Variants in ZNF516 observed in about 807,000 individuals in gnomAD.
ZNF516 encodes zinc finger protein 516.
In ZNF516, 19 loss-of-function variants were observed where a neutral mutation model predicts 79.7. The observed-to-expected ratio is 0.24, with a 90% confidence interval of 0.17 to 0.35. The LOEUF is 0.35. Ranked by LOEUF, ZNF516 falls within the 10% of genes least tolerant of loss-of-function variation. The pLI, the probability that ZNF516 is intolerant of heterozygous loss-of-function variation, is 1.00. For missense variants in ZNF516, 1,678 were observed against 1,679.5 expected (o/e 1.00, Z 0.02); for synonymous variants, 877 against 739.5 (o/e 1.19, Z -3.02).
At chr18:76,392,393 C>G (rs2075086452) in intron 3 of ZNF516, among the ~76,000 whole-genome samples, 1 of 152,146 alleles carries the variant, frequency 6.6e-6, no homozygotes, top group African/African-American at 2.4e-5. Flanking sequence ...TCACAGGGCT[C>G]AAAATATGTC....
At position 76,360,823 on chromosome 18, in the gene ZNF516, T is replaced by A. The variant is rs867671251; in HGVS notation, c.*1675A>T. 6.2e-4 allele frequency: 79 copies of A among 128,000 alleles called. No individual in the cohort carries two copies. Among genetic ancestry groups the A allele is most frequent in the Middle Eastern group, 3.8e-3 (1 of 260 alleles). The allele number at this position is 128,000 out of a possible 1,614,324, so 7.9% of individuals were successfully genotyped here. A position where few individuals can be genotyped will look rare whatever the true frequency, so the allele number is the denominator to read the frequency against. On this transcript the variant is annotated 3_prime_UTR_variant, in exon 7 of 7. Coordinates refer to ENST00000443185, the MANE Select transcript of ZNF516 (RefSeq NM_014643.4). The stretch of plus-strand genomic sequence containing the variant: ...AATAATAATAATAATAATAATAATA[T>A]AATAATATTCAACAAATCATTAGAA...
chr18:76,466,089 C>T (rs1913446800), intron 1 of ZNF516, among the ~76,000 whole-genome samples: 1 of 152,198 alleles, frequency 6.6e-6, no homozygotes, highest in Non-Finnish European at 1.5e-5. Flanking sequence ...TGTTTCTTCC[C>T]CCTACTTCTA....
chr18:76,455,067 G>T (rs936310777), intron 2 of ZNF516, among the ~76,000 whole-genome samples: 1 of 152,134 alleles, frequency 6.6e-6, no homozygotes, highest in Non-Finnish European at 1.5e-5. Flanking sequence ...CCCAGCCTGG[G>T]TTATATGGGA....
chr18:76,404,842 A>T (rs2075283430), intron 3 of ZNF516, among the ~76,000 whole-genome samples: 1 of 151,668 alleles, frequency 6.6e-6, no homozygotes, highest in Admixed American at 6.6e-5. Flanking sequence ...TATCACTGTA[A>T]CTGTGTGCAT....
In ZNF516 at chr18:76,359,337, C is replaced by G. The variant is rs1599117352; in HGVS notation, c.*3161G>C. 1 of 152,326 alleles carries G rather than the reference C, an allele frequency of 6.6e-6. No individual in the cohort carries two copies. The highest frequency in any genetic ancestry group is 2.1e-4 in the South Asian group (1 of 4,828). 9.4% of individuals were successfully genotyped at this position (152,326 alleles called of 1,614,324 possible). ...ATCTGTATGGTGCTGAGAATGAAAT[C>G]TGTCCGTCTAAGATGACAATAAGAC... is the stretch of plus-strand genomic sequence containing the variant. On this transcript the variant is annotated 3_prime_UTR_variant, in exon 7 of 7. Coordinates refer to ENST00000443185, the MANE Select transcript of ZNF516 (RefSeq NM_014643.4).
At position 76,441,770 on chromosome 18, in the gene ZNF516, C is replaced by G; in HGVS notation, c.1285G>C (p.Glu429Gln). The G allele has an allele frequency of 2.6e-6, 4 of 1,564,228 alleles. No individual in the cohort carries two copies. Among genetic ancestry groups the G allele is most frequent in the Non-Finnish European group, 3.4e-6 (4 of 1,161,418 alleles). ...CCGTACTTGAGGTACTCGGCCGGCT[C>G]GGCCACCTTACCCCGCGTGGCCAGC... ...WQLATRGKVAEPAEYLKYGAW... is the reference protein window; with the variant it reads ...WQLATRGKVAQPAEYLKYGAW... The change falls in exon 3 of 7, where the codon GAG becomes CAG. Residue 429 changes from glutamate (E) to glutamine (Q), a missense_variant. By Grantham distance (29) the Glu-to-Gln change is conservative (BLOSUM62 2). Coordinates refer to ENST00000443185, the MANE Select transcript of ZNF516 (RefSeq NM_014643.4).
At chr18:76,487,871 T>G in intron 1 of ZNF516, 1 of 943,476 alleles carries the variant, frequency 1.1e-6, no homozygotes, top group Non-Finnish European at 1.3e-6. Context: ...CTGCTGCCAC[T>G]ACACTTTCGG....
chr18:76,485,726 A>C (rs912605123), intron 1 of ZNF516, among the ~76,000 whole-genome samples: 2 of 152,150 alleles, frequency 1.3e-5, no homozygotes, highest in African/African-American at 2.4e-5. Context: ...TCTACCCAAA[A>C]ACCCAAACCA....
intron 3 of ZNF516, among the ~76,000 whole-genome samples, chr18:76,381,926 G>A (rs1402989854): frequency 4.6e-5 from 7 of 152,230 alleles, no homozygotes; most frequent in African/African-American, 1.7e-4. Context: ...GAGGTCAGGA[G>A]TTCAAGACCA....
chr18:76,401,450 A>T (rs1187001013), intron 3 of ZNF516, among the ~76,000 whole-genome samples: 2 of 152,144 alleles, frequency 1.3e-5, no homozygotes, highest in Admixed American at 1.3e-4. Context: ...GGAGCCCTGG[A>T]TCTATGAATT....
Position 76,362,550 on chromosome 18 carries a change from T to G in ZNF516, c.3440A>C (p.Asp1147Ala). The G allele has an allele frequency of 6.2e-7, 1 of 1,611,332 alleles. No individual in the cohort carries two copies. ...TSADAPKQGR[D>A]HSNTGTVQTV... Reference sequence around the variant, plus strand: ...CTGGACGGTACCTGTGTTAGAATGGTCTCTCCCCTGGGTGAGAAAAAGGAA... The same window carrying G: ...CTGGACGGTACCTGTGTTAGAATGGGCTCTCCCCTGGGTGAGAAAAAGGAA... Residue 1147 changes from aspartate to alanine, a missense_variant, in exon 7 of 7, where the codon GAC (aspartate) becomes GCC (alanine). Asp to Ala is a moderately radical substitution (Grantham distance 126). This residue lies in a region of ZNF516 where 1,294 missense variants were observed against 1,248.3 expected (regional missense o/e 1.04). Coordinates refer to ENST00000443185, the MANE Select transcript of ZNF516 (RefSeq NM_014643.4).
At position 76,451,540 on chromosome 18, in the gene ZNF516, A is replaced by G. The variant is rs1210657745; in HGVS notation, c.-157-8329T>C. Among the ~76,000 whole-genome samples the G allele has an allele frequency of 2.0e-5, 3 of 152,246 alleles. No individual in the cohort carries two copies. Among genetic ancestry groups the G allele is most frequent in the African/African-American group, 7.2e-5 (3 of 41,464 alleles). On this transcript the variant is annotated intron_variant, in intron 2 of 6. Transcript: ENST00000443185. This position sits in a 1 kb window ranked among gnomAD's most constrained non-coding sequence, Gnocchi z 6.0. ...ATGATGGCTCCAAAAGGCAAATCAT[A>G]AAATCTAAAAGAGCAACTACGCTGG...
In ZNF516 at chr18:76,371,388, T is replaced by G. The variant is rs868012607; in HGVS notation, c.3364+79A>C. ...GCTGAAATCTCAGTATCTCCCTCGCTGCGGATGGTCAAGCCACTGACAGAA... is the reference window on the plus strand; with the variant it reads ...GCTGAAATCTCAGTATCTCCCTCGCGGCGGATGGTCAAGCCACTGACAGAA... On this transcript the variant is annotated intron_variant, in intron 5 of 6. Coordinates refer to ENST00000443185, the MANE Select transcript of ZNF516 (RefSeq NM_014643.4). The G allele has an allele frequency of 5.1e-6, 7 of 1,381,104 alleles. No homozygotes were observed. In the African/African-American group the frequency reaches 8.5e-5, roughly 17 times the overall value. The allele number at this position is 1,381,104 out of a possible 1,614,324, so 85.6% of individuals were successfully genotyped here.
intron 3 of ZNF516, among the ~76,000 whole-genome samples, chr18:76,405,469 C>T (rs1361869944): frequency 6.6e-6 from 1 of 152,158 alleles, no homozygotes; most frequent in African/African-American, 2.4e-5. Flanking sequence ...CGCAGTGCAT[C>T]AGCATGAAGC....
rs772675003 is a variant in ZNF516, at chr18:76,359,146, G to C, written c.*3352C>G. On this transcript the variant is annotated 3_prime_UTR_variant, in exon 7 of 7. Transcript: ENST00000443185. ...ACTGGGCGCTCCTTTCTCTGACGAA[G>C]TAACTGTATGCAACTCCCAATTGCT... 6.6e-6 allele frequency: 1 copy of C among 152,266 alleles called. No homozygotes were observed. Among genetic ancestry groups the C allele is most frequent in the Non-Finnish European group, 1.5e-5 (1 of 68,066 alleles). 9.4% of individuals were successfully genotyped at this position (152,266 alleles called of 1,614,324 possible).
At chr18:76,409,389 A>G (rs1229485726) in intron 3 of ZNF516, among the ~76,000 whole-genome samples, 2 of 152,228 alleles carry the variant, frequency 1.3e-5, no homozygotes, top group East Asian at 1.9e-4. Context: ...CCTGACCTCC[A>G]AGAACACTGC....
chr18:76,465,992 G>A (rs1170762914), intron 1 of ZNF516, among the ~76,000 whole-genome samples: 1 of 152,136 alleles, frequency 6.6e-6, no homozygotes, highest in African/African-American at 2.4e-5. Context: ...ACACTTCCCA[G>A]TTCAAACTTC....
chr18:76,435,756 C>A (rs2145488127), intron 3 of ZNF516, among the ~76,000 whole-genome samples: 1 of 152,340 alleles, frequency 6.6e-6, no homozygotes, highest in Admixed American at 6.5e-5. Flanking sequence ...CCAGGTAGAG[C>A]CCTGGAGAGC....
At chr18:76,466,916 G>A (rs1913510487) in intron 1 of ZNF516, among the ~76,000 whole-genome samples, 1 of 152,226 alleles carries the variant, frequency 6.6e-6, no homozygotes, top group African/African-American at 2.4e-5. Flanking sequence ...GAGCAAACAT[G>A]GGAAGGGATG....
Sources: allele counts gnomAD v4.1 joint callset (sites outside exome capture counted in the v4.1 genomes callset), GRCh38; gene constraint gnomAD v4.1.1; regional missense constraint gnomAD v4.1.1; non-coding constraint Gnocchi (gnomAD v3.1); transcripts MANE v1.5; gene names NCBI Gene and HGNC (gene_info 2026-07-23, HGNC 2026-07-21).